Variants in ZMAT4 observed in about 807,000 individuals in gnomAD.
The protein encoded by ZMAT4 is zinc finger matrin-type protein 4.
A neutral mutation model predicts 28.7 loss-of-function variants in ZMAT4; 17 were observed. The ratio of observed to expected loss-of-function variants is 0.59; its 90% CI spans 0.41 to 0.89. ZMAT4 has a LOEUF of 0.89. Ranked by LOEUF, ZMAT4 falls within the 40% of genes least tolerant of loss-of-function variation. The probability of loss-of-function intolerance (pLI) is 0.00; values close to 1 mark genes in which losing one functional copy is unlikely to be tolerated. For missense variants in ZMAT4, 240 were observed against 283.8 expected (o/e 0.85, Z 1.11); for synonymous variants, 117 against 109.2 (o/e 1.07, Z -0.44).
At chr8:40,532,866 T>C (rs1429623803) in intron 6 of ZMAT4, among the ~76,000 whole-genome samples, 1 of 151,874 alleles carries the variant, frequency 6.6e-6, no homozygotes, top group African/African-American at 2.4e-5. Flanking sequence ...CATGGTAGCA[T>C]GCCTGTAGTC....
In ZMAT4 at chr8:40,799,244, TGG is replaced by T. The variant is rs1296528685; in HGVS notation, c.102+26329_102+26330del. Among the ~76,000 whole-genome samples the T allele has an allele frequency of 1.1e-4, 17 of 152,088 alleles. 1 individual carries two copies. The East Asian group carries it at 2.7e-3, about 24-fold the overall frequency. On this transcript the variant is annotated intron_variant, in intron 2 of 6. Transcript: ENST00000297737. ...ATGGATGGATAGATAGATGGATGGA[TGG>T]AGACAGATAGAGAGAGAGGGAGACA... is the stretch of plus-strand genomic sequence containing the variant.
intron 5 of ZMAT4, among the ~76,000 whole-genome samples, chr8:40,634,256 C>G (rs1451679): frequency 0.25 from 38,492 of 152,108 alleles, 5,569 homozygotes; most frequent in Middle Eastern, 0.34. Flanking sequence ...TTAAACAGCA[C>G]TGGACTGAAT....
At chr8:40,532,360 A>C (rs1028199295) in intron 6 of ZMAT4, 122 bp from the exon 7 acceptor site, 6 of 690,510 alleles carry the variant, frequency 8.7e-6, no homozygotes, top group African/African-American at 7.4e-5. Context: ...ATCAAATTCA[A>C]ATGCATCTGA....
chr8:40,868,582 A>T (rs77735809), intron 1 of ZMAT4, among the ~76,000 whole-genome samples: 9,545 of 152,258 alleles, frequency 0.063, 328 homozygotes, highest in Non-Finnish European at 0.069. Flanking sequence ...CCAATACAAG[A>T]AAACAATAGG....
chr8:40,712,774 T>G (rs977173624), intron 3 of ZMAT4, among the ~76,000 whole-genome samples: 3 of 152,146 alleles, frequency 2.0e-5, no homozygotes, highest in African/African-American at 4.8e-5. Context: ...GAACAGAGCT[T>G]TGCTAGCTGA....
At chr8:40,820,905 G>GTA (rs1160413260) in intron 2 of ZMAT4, among the ~76,000 whole-genome samples, 1 of 102,286 alleles carries the variant, frequency 9.8e-6, no homozygotes, top group Non-Finnish European at 2.0e-5. Flanking sequence ...GTGTGTGTTT[G>GTA]TGTGTATGTG....
Position 40,706,160 on chromosome 8 carries a change from C to A in ZMAT4, c.193-8759G>T, listed in dbSNP as rs187751255. On this transcript the variant is annotated intron_variant, in intron 3 of 6. Transcript: ENST00000297737. ...CTCAGCCTCCCAGATTCAAGCGATT[C>A]TCCTGCCTCAGACTCCTGAGTAGCT... is the stretch of plus-strand genomic sequence containing the variant. Among the ~76,000 whole-genome samples the A allele has an allele frequency of 3.3e-3, 497 of 152,266 alleles. 1 individual carries two copies. Among genetic ancestry groups the A allele is most frequent in the African/African-American group, 0.011 (471 of 41,550 alleles).
intron 3 of ZMAT4, among the ~76,000 whole-genome samples, chr8:40,748,948 A>T (rs1305064202): frequency 2.0e-5 from 3 of 152,086 alleles, no homozygotes; most frequent in African/African-American, 4.8e-5. Flanking sequence ...GATAATAATT[A>T]TGGAGGCTGT....
intron 1 of ZMAT4, among the ~76,000 whole-genome samples, chr8:40,845,571 A>C (rs1411864392): frequency 3.9e-5 from 6 of 152,016 alleles, no homozygotes; most frequent in African/African-American, 1.2e-4. Flanking sequence ...AAAAAAAAAT[A>C]ACAGTGTCCT....
intron 3 of ZMAT4, among the ~76,000 whole-genome samples, chr8:40,757,870 C>A (rs1177287066): frequency 6.6e-6 from 1 of 152,048 alleles, no homozygotes; most frequent in Non-Finnish European, 1.5e-5. Flanking sequence ...TGGGCACCAT[C>A]TAATCAAGGC....
At chr8:40,881,932 G>A (rs1313303447) in intron 1 of ZMAT4, among the ~76,000 whole-genome samples, 11 of 152,094 alleles carry the variant, frequency 7.2e-5, no homozygotes, top group Admixed American at 2.6e-4. Context: ...CCCATGTAGC[G>A]CGCAGAATCA....
intron 5 of ZMAT4, among the ~76,000 whole-genome samples, chr8:40,650,982 C>A (rs576286750): frequency 6.5e-4 from 97 of 149,818 alleles, no homozygotes; most frequent in African/African-American, 2.2e-3. Context: ...ACTGAATGGG[C>A]AAAAACTGGA....
chr8:40,601,600 AAG>A (rs1362857321), intron 5 of ZMAT4, among the ~76,000 whole-genome samples: 24 of 8,060 alleles, frequency 3.0e-3, no homozygotes, highest in African/African-American at 6.7e-3. Context: ...GAAAGAAAGA[AAG>A]AAAGAAAGAA....
chr8:40,808,404 C>A, intron 2 of ZMAT4: 2 of 313,062 alleles, frequency 6.4e-6, no homozygotes, highest in South Asian at 2.6e-5. Context: ...AAAAAGACAG[C>A]ATATTTTGGC....
In ZMAT4 at chr8:40,538,778, C is replaced by T. The variant is rs372436355; in HGVS notation, c.675-6540G>A. Among the ~76,000 whole-genome samples the T allele has an allele frequency of 2.1e-3, 318 of 151,896 alleles. 2 individuals carry two copies. The highest frequency in any genetic ancestry group is 7.2e-3 in the African/African-American group (300 of 41,428). ...TTATTGTTTCCTTTATTGCATTTTT[C>T]TTTCTCTTTTTTTTTGTTTTTTGAG... On this transcript the variant is annotated intron_variant, in intron 6 of 6. Coordinates refer to ENST00000297737, the MANE Select transcript of ZMAT4 (RefSeq NM_024645.3).
At chr8:40,679,604 C>T (rs1041510435) in intron 4 of ZMAT4, among the ~76,000 whole-genome samples, 1 of 152,166 alleles carries the variant, frequency 6.6e-6, no homozygotes, top group Admixed American at 6.6e-5. Context: ...ACTAGAACAA[C>T]AGTGTGGGGG....
intron 6 of ZMAT4, among the ~76,000 whole-genome samples, chr8:40,548,114 G>A (rs78712132): frequency 6.6e-6 from 1 of 152,098 alleles, no homozygotes; most frequent in African/African-American, 2.4e-5. Flanking sequence ...AGGGAAGAAG[G>A]GTGAGAAGTT....
At chr8:40,542,430 C>T (rs764720776) in intron 6 of ZMAT4, among the ~76,000 whole-genome samples, 1 of 151,792 alleles carries the variant, frequency 6.6e-6, no homozygotes, top group Non-Finnish European at 1.5e-5. Flanking sequence ...ACTCTGTCAC[C>T]CAGGCTGGAG....
chr8:40,702,388 G>A (rs1364685646), intron 3 of ZMAT4, among the ~76,000 whole-genome samples: 1 of 152,178 alleles, frequency 6.6e-6, no homozygotes, highest in Non-Finnish European at 1.5e-5. Flanking sequence ...TTTAAAATAT[G>A]AGTTTCAAAC....
Sources: gnomAD v4.1 joint callset for allele counts (sites outside exome capture counted in the v4.1 genomes callset) on GRCh38, gnomAD v4.1.1 for gene constraint, MANE v1.5 for transcripts, NCBI Gene and HGNC (gene_info 2026-07-23, HGNC 2026-07-21) for gene names.